Variants in ABI2 observed in about 807,000 individuals in gnomAD.
The protein encoded by ABI2 is abl interactor 2.
A neutral mutation model predicts 59.2 loss-of-function variants in ABI2; 25 were observed. The observed-to-expected ratio is 0.42, with a 90% CI of 0.31 to 0.59. ABI2 has a LOEUF of 0.59. Among genes scored for constraint, ABI2 ranks in the 20% least tolerant of loss-of-function variants. ABI2 has a pLI of 0.14. For synonymous variants in ABI2, 213 were observed against 235.5 expected (o/e 0.90, Z 0.87); for missense variants, 545 against 681.8 (o/e 0.80, Z 2.23).
intron 9 of ABI2, among the ~76,000 whole-genome samples, chr2:203,408,833 C>CTTTTTTTTTCTTTTTTTTTTT (rs1553602653): frequency 1.1e-5 from 1 of 87,204 alleles, no homozygotes; most frequent in Non-Finnish European, 2.4e-5. Context: ...CTTCTCCTTT[C>CTTTTTTTTTCTTTTTTTTTTT]TTTTTTTTTT....
Position 203,380,401 on chromosome 2 carries a change from T to C in ABI2, c.462+17T>C, listed in dbSNP as rs1448505573. ...GGAGTAAAGGTAGGTATAATTTTTT[T>C]CAAGCTTTTAAAAGTAGTAACCCAT... is the stretch of plus-strand genomic sequence containing the variant. On this transcript the variant is annotated intron_variant, in intron 3 of 11. Transcript: ENST00000261018. The C allele has an allele frequency of 5.3e-6, 8 of 1,498,478 alleles. No homozygotes were observed. The highest frequency in any genetic ancestry group is 7.1e-6 in the Non-Finnish European group (8 of 1,123,614). 92.8% of individuals were successfully genotyped at this position (1,498,478 alleles called of 1,614,324 possible).
chr2:203,410,342 T>A (rs968091687), intron 9 of ABI2, among the ~76,000 whole-genome samples: 5 of 152,260 alleles, frequency 3.3e-5, no homozygotes, highest in African/African-American at 1.2e-4. Context: ...GCATTTTCTC[T>A]TTATAAGAAA....
intron 2 of ABI2, chr2:203,376,245 C>A: frequency 1.4e-6 from 1 of 716,522 alleles, no homozygotes. Flanking sequence ...TGTCACATCT[C>A]ATGGTGGGGG....
chr2:203,414,702 A>T (rs1330243873), intron 10 of ABI2, among the ~76,000 whole-genome samples: 3 of 152,250 alleles, frequency 2.0e-5, no homozygotes, highest in African/African-American at 7.2e-5. Context: ...CTAATGAAGC[A>T]TGACTTGAAG....
At position 203,423,979 on chromosome 2, in the gene ABI2, C is replaced by G. The variant is rs113436466; in HGVS notation, c.1454-3198C>G. Among the ~76,000 whole-genome samples the G allele has an allele frequency of 5.7e-4, 86 of 152,150 alleles. 1 individual carries two copies. Among genetic ancestry groups the G allele is most frequent in the Middle Eastern group, 3.4e-3 (1 of 294 alleles). ...CATTTAGAAGAACAATGTGTAAGTC[C>G]TTTTCTGTTTCAGTCATAACTGCAC... On this transcript the variant is annotated intron_variant, in intron 11 of 11. Transcript: ENST00000261018.
chr2:203,421,052 A>C (rs1279358923), intron 11 of ABI2, among the ~76,000 whole-genome samples: 1 of 152,024 alleles, frequency 6.6e-6, no homozygotes, highest in Non-Finnish European at 1.5e-5. Context: ...TGACAATGCG[A>C]AGGTGTTGGA....
chr2:203,380,279 A>G lies in ABI2; in HGVS notation c.357A>G (p.Ser119=), dbSNP rs1264364573. The G allele has an allele frequency of 1.9e-6, 3 of 1,608,482 alleles. No individual in the cohort carries two copies. Among genetic ancestry groups the G allele is most frequent in the Non-Finnish European group, 2.5e-6 (3 of 1,177,808 alleles). ...TTTTGACTACCAATAAAAACACTTC[A>G]AGGACACATAAGATTATTGCTCCAG... ...IGILTTNKNT[S]RTHKIIAPAN... Residue 119 remains serine (S), a synonymous_variant, in exon 3 of 12, where the codon TCA becomes TCG. Transcript: ENST00000261018.
chr2:203,397,047 T>G (rs1362148557), intron 8 of ABI2, 80 bp downstream of exon 8: 2 of 1,292,596 alleles, frequency 1.5e-6, no homozygotes, highest in African/African-American at 3.1e-5. Flanking sequence ...TTTTGTTTGT[T>G]TTTGGTTTTG....
chr2:203,332,624 C>G (rs2074359713), intron 1 of ABI2, among the ~76,000 whole-genome samples: 1 of 151,626 alleles, frequency 6.6e-6, no homozygotes, highest in South Asian at 2.1e-4. Context: ...GACTCTGTCT[C>G]AAAAAAACAA....
At chr2:203,341,636 G>T (rs1575895319) in intron 1 of ABI2, among the ~76,000 whole-genome samples, 1 of 152,058 alleles carries the variant, frequency 6.6e-6, no homozygotes, top group Non-Finnish European at 1.5e-5. Flanking sequence ...CTTGAACCCG[G>T]GTGGCAGAGG....
Position 203,375,951 on chromosome 2 carries a change from C to T in ABI2, c.286-4257C>T, listed in dbSNP as rs925935419. The T allele has an allele frequency of 7.4e-6, 6 of 808,072 alleles. No homozygotes were observed. The East Asian group carries it at 1.4e-4, about 19-fold the overall frequency. The allele number at this position is 808,072 out of a possible 1,614,324, so 50.1% of individuals were successfully genotyped here. ...CCACAGGCAATACTGCAGTTCAACC[C>T]CGTGTGGTAGTATGATGGCAAGAAT... On this transcript the variant is annotated intron_variant, in intron 2 of 11. Transcript: ENST00000261018.
chr2:203,356,213 G>C (rs188778100), intron 1 of ABI2, among the ~76,000 whole-genome samples: 2 of 151,990 alleles, frequency 1.3e-5, no homozygotes, highest in Admixed American at 1.3e-4. Flanking sequence ...TTTGAGACAA[G>C]GTCTTGCTCT....
chr2:203,359,064 T>C (rs1576844728), intron 1 of ABI2, among the ~76,000 whole-genome samples: 1 of 152,270 alleles, frequency 6.6e-6, no homozygotes, highest in East Asian at 1.9e-4. Flanking sequence ...GTCATGGTCC[T>C]GTTGCTTGAA....
chr2:203,359,409 A>G (rs1363538676), intron 1 of ABI2, among the ~76,000 whole-genome samples: 1 of 152,184 alleles, frequency 6.6e-6, no homozygotes, highest in Non-Finnish European at 1.5e-5. Flanking sequence ...TCATTTGTAG[A>G]ATGTACAAAG....
intron 9 of ABI2, among the ~76,000 whole-genome samples, chr2:203,405,073 A>G (rs1477985206): frequency 6.6e-6 from 1 of 152,222 alleles, no homozygotes; most frequent in Non-Finnish European, 1.5e-5. Context: ...TTTTAATGAA[A>G]AGTATTTTTC....
At chr2:203,353,516 G>T (rs1157617598) in intron 1 of ABI2, among the ~76,000 whole-genome samples, 1 of 152,190 alleles carries the variant, frequency 6.6e-6, no homozygotes, top group African/African-American at 2.4e-5. Context: ...ATCTCGCTCT[G>T]TCGCCCAGAC....
intron 2 of ABI2, chr2:203,375,910 G>A: frequency 2.1e-6 from 1 of 481,028 alleles, no homozygotes; most frequent in Non-Finnish European, 3.6e-6. Context: ...TTTTCTAAAG[G>A]CATGTTTTCT....
At chr2:203,346,930 G>A (rs1173852823) in intron 1 of ABI2, among the ~76,000 whole-genome samples, 4 of 152,152 alleles carry the variant, frequency 2.6e-5, no homozygotes, top group African/African-American at 9.7e-5. Context: ...ATGTGCTATA[G>A]TGCATTTTAA....
chr2:203,368,989 T>A (rs1030165284), intron 2 of ABI2, among the ~76,000 whole-genome samples: 11,433 of 89,886 alleles, frequency 0.13, 2,754 homozygotes, highest in East Asian at 0.46. Flanking sequence ...GGCTGATTTT[T>A]TTTTTTTTTT....
Sources: allele counts gnomAD v4.1 joint callset (sites outside exome capture counted in the v4.1 genomes callset), GRCh38; gene constraint gnomAD v4.1.1; transcripts MANE v1.5; gene names NCBI Gene and HGNC (gene_info 2026-07-23, HGNC 2026-07-21).